The following MALRD1 variants were observed in gnomAD, a reference collection of about 807,000 sequenced individuals.
MALRD1 encodes MAM and LDL receptor class A domain containing 1, also known as MAM and LDL-receptor class A domain-containing protein 1.
A neutral mutation model predicts 242.1 loss-of-function variants in MALRD1; 247 were observed. That is an observed-to-expected ratio of 1.02 (90% CI 0.92 to 1.13). The LOEUF is 1.13. MALRD1 is among the 50% of genes most tolerant of loss of function. The pLI, the probability that MALRD1 is intolerant of heterozygous loss-of-function variation, is 0.00. For synonymous variants in MALRD1, 995 were observed against 866.6 expected (o/e 1.15, Z -2.60); for missense variants, 2,989 against 2,533.1 (o/e 1.18, Z -3.86).
At chr10:19,069,900 A>G (rs975923588) in intron 2 of MALRD1, among the ~76,000 whole-genome samples, 2 of 152,136 alleles carry the variant, frequency 1.3e-5, no homozygotes, top group East Asian at 1.9e-4. Flanking sequence ...CCGTCTGCCA[A>G]TTTTGAAAAG....
In MALRD1 at chr10:19,231,560, G is replaced by A. The variant is rs187797736; in HGVS notation, c.2991+21880G>A. ...GGGGCGGTTTCCCCCTGCTGTTCTC[G>A]TGGTAGTGAATAAGTCTCATGAGAT... On this transcript the variant is annotated intron_variant, in intron 18 of 39. Coordinates refer to ENST00000454679, the MANE Select transcript of MALRD1 (RefSeq NM_001142308.3). Among the ~76,000 whole-genome samples, 84 of 151,798 alleles carry A rather than the reference G, an allele frequency of 5.5e-4. 1 individual carries two copies. In the South Asian group the frequency reaches 0.011, roughly 21 times the overall value.
chr10:19,711,519 G>A (rs1309083202), intron 38 of MALRD1, among the ~76,000 whole-genome samples: 2 of 152,164 alleles, frequency 1.3e-5, no homozygotes, highest in African/African-American at 4.8e-5. Context: ...AGAAAGCACT[G>A]GAAAAGGAGA....
At chr10:19,367,658 A>G (rs371636955) in intron 26 of MALRD1, among the ~76,000 whole-genome samples, 1 of 152,068 alleles carries the variant, frequency 6.6e-6, no homozygotes, top group Admixed American at 6.6e-5. Flanking sequence ...TGGCAGTTCT[A>G]TTTGAAGTTT....
intron 33 of MALRD1, among the ~76,000 whole-genome samples, chr10:19,590,905 A>G (rs946907162): frequency 2.0e-5 from 3 of 152,170 alleles, no homozygotes; most frequent in Non-Finnish European, 4.4e-5. Context: ...GTTGTCACCC[A>G]AAGTCCATAG....
chr10:19,647,144 C>T (rs1294826093), intron 36 of MALRD1, among the ~76,000 whole-genome samples: 3 of 152,190 alleles, frequency 2.0e-5, no homozygotes, highest in African/African-American at 4.8e-5. Context: ...CAGCTTGAAG[C>T]AGCTCCTTGC....
chr10:19,552,960 T>TA (rs1422669527), intron 32 of MALRD1, among the ~76,000 whole-genome samples: 1 of 152,078 alleles, frequency 6.6e-6, no homozygotes, highest in Non-Finnish European at 1.5e-5. Flanking sequence ...CAAATTTTAA[T>TA]ATGCAAGTGT....
At chr10:19,480,538 G>T (rs113243310) in intron 29 of MALRD1, among the ~76,000 whole-genome samples, 7 of 152,310 alleles carry the variant, frequency 4.6e-5, no homozygotes, top group African/African-American at 1.4e-4. Context: ...GGCATTTTCG[G>T]CATATCAGCA....
chr10:19,583,373 C>T (rs1243740006), intron 33 of MALRD1, among the ~76,000 whole-genome samples: 20 of 150,782 alleles, frequency 1.3e-4, no homozygotes, highest in Admixed American at 1.3e-3. Context: ...TCGTAGATAG[C>T]TCTTATTATT....
At chr10:19,474,278 T>C (rs766719351) in intron 29 of MALRD1, among the ~76,000 whole-genome samples, 49 of 152,190 alleles carry the variant, frequency 3.2e-4, no homozygotes, top group African/African-American at 1.1e-3. Flanking sequence ...TGCTTTGTCA[T>C]TGAGCAGCTA....
chr10:19,387,192 G>A (rs529644512), intron 26 of MALRD1, among the ~76,000 whole-genome samples: 16 of 152,088 alleles, frequency 1.1e-4, no homozygotes, highest in African/African-American at 3.6e-4. Flanking sequence ...AAAATAGAAG[G>A]CCTCACATTG....
chr10:19,376,542 CTTTTTTT>C (rs57836152), intron 26 of MALRD1, among the ~76,000 whole-genome samples: 1,434 of 94,992 alleles, frequency 0.015, 46 homozygotes, highest in African/African-American at 0.051. Context: ...TTGATACATT[CTTTTTTT>C]TTTTTTTTTT....
intron 29 of MALRD1, among the ~76,000 whole-genome samples, chr10:19,464,688 A>G (rs1836131189): frequency 6.6e-6 from 1 of 152,108 alleles, no homozygotes; most frequent in South Asian, 2.1e-4. Context: ...TGCTTTGGCT[A>G]TGTGGGCTCT....
At chr10:19,152,301 G>A (rs1240732666) in intron 11 of MALRD1, among the ~76,000 whole-genome samples, 1 of 152,136 alleles carries the variant, frequency 6.6e-6, no homozygotes, top group Non-Finnish European at 1.5e-5. Context: ...TGGGCCTGTG[G>A]TCAGAGTTTA....
chr10:19,447,426 G>C (rs957415683), intron 28 of MALRD1, among the ~76,000 whole-genome samples: 2 of 152,042 alleles, frequency 1.3e-5, no homozygotes, highest in Admixed American at 6.6e-5. Context: ...TCCATGATTC[G>C]TTTGCAAAAT....
chr10:19,652,247 C>A (rs1840932981), intron 36 of MALRD1, among the ~76,000 whole-genome samples: 1 of 152,148 alleles, frequency 6.6e-6, no homozygotes, highest in Non-Finnish European at 1.5e-5. Flanking sequence ...TTTGTCCTCC[C>A]ACTTCATTTT....
At chr10:19,064,232 C>G (rs1291406711) in intron 1 of MALRD1, among the ~76,000 whole-genome samples, 1 of 152,128 alleles carries the variant, frequency 6.6e-6, no homozygotes, top group African/African-American at 2.4e-5. Flanking sequence ...TATAGCACTC[C>G]TAATTGTTCA....
chr10:19,562,715 G>A (rs1024814011), intron 32 of MALRD1, among the ~76,000 whole-genome samples: 2 of 152,154 alleles, frequency 1.3e-5, no homozygotes, highest in Non-Finnish European at 2.9e-5. Context: ...AGCAGAAGGT[G>A]AGGGGCAGGT....
chr10:19,214,657 A>G (rs1837227822), intron 18 of MALRD1, among the ~76,000 whole-genome samples: 1 of 152,176 alleles, frequency 6.6e-6, no homozygotes, highest in Admixed American at 6.5e-5. Flanking sequence ...TTTCATCTCT[A>G]AAGAACTGAT....
intron 26 of MALRD1, among the ~76,000 whole-genome samples, chr10:19,381,482 T>A (rs11009673): frequency 0.2 from 30,425 of 151,770 alleles, 3,263 homozygotes; most frequent in African/African-American, 0.26. Flanking sequence ...AGCTCTCCTT[T>A]CAGATATATC....
Sources: gnomAD v4.1 joint callset for allele counts (sites outside exome capture counted in the v4.1 genomes callset) on GRCh38, gnomAD v4.1.1 for gene constraint, MANE v1.5 for transcripts, NCBI Gene and HGNC (gene_info 2026-07-23, HGNC 2026-07-21) for gene names.